The following RSPO2 variants were observed in gnomAD, a reference collection of about 807,000 sequenced individuals.
RSPO2 encodes R-spondin 2.
A neutral mutation model predicts 30.9 loss-of-function variants in RSPO2; 14 were observed. That is an observed-to-expected ratio of 0.45 (90% CI 0.30 to 0.71). The LOEUF is 0.71. RSPO2 is among the 30% of genes least tolerant of loss of function. The pLI is 0.08. For missense variants in RSPO2, 264 were observed against 301.9 expected, an observed-to-expected ratio of 0.87 and a Z score of 0.93; for synonymous variants, 107 against 96.4, an observed-to-expected ratio of 1.11 and a Z score of -0.64.
chr8:108,049,113 G>T lies in RSPO2; in HGVS notation c.94+33432C>A, dbSNP rs561690897. On this transcript the variant is annotated intron_variant, in intron 2 of 5. Coordinates refer to ENST00000276659, the MANE Select transcript of RSPO2 (RefSeq NM_178565.5). ...AGGCCTGTCGGAGGGTGGGGAACTG[G>T]GGGACGGATAGCATTAGGAGAAATA... Among the ~76,000 whole-genome samples the T allele has an allele frequency of 4.6e-5, 7 of 152,032 alleles. 1 individual carries two copies. The East Asian group carries it at 7.8e-4, about 17-fold the overall frequency.
chr8:108,051,864 G>T (rs956836874), intron 2 of RSPO2, among the ~76,000 whole-genome samples: 1 of 152,156 alleles, frequency 6.6e-6, no homozygotes, highest in Non-Finnish European at 1.5e-5. Context: ...CACAACCAGG[G>T]TTAAGTAAAT....
chr8:108,032,863 T>A (rs186370038), intron 2 of RSPO2, among the ~76,000 whole-genome samples: 297 of 151,716 alleles, frequency 2.0e-3, no homozygotes, highest in African/African-American at 6.9e-3. Context: ...ATCGAGACCA[T>A]CCTGGCTAAC....
At chr8:107,945,468 T>C (rs1245778861) in intron 5 of RSPO2, among the ~76,000 whole-genome samples, 1 of 151,974 alleles carries the variant, frequency 6.6e-6, no homozygotes, top group Non-Finnish European at 1.5e-5. Context: ...CAGGATGGTC[T>C]AGATCTCCTG....
chr8:107,966,729 A>T (rs113966391), intron 3 of RSPO2, among the ~76,000 whole-genome samples: 16 of 152,352 alleles, frequency 1.1e-4, no homozygotes, highest in African/African-American at 3.1e-4. Context: ...AGATGACAAG[A>T]ATCATCTCTT....
At chr8:108,010,062 A>T (rs1057245625) in intron 2 of RSPO2, among the ~76,000 whole-genome samples, 18 of 97,872 alleles carry the variant, frequency 1.8e-4, no homozygotes, top group African/African-American at 4.4e-4. Context: ...AAATAAAAAT[A>T]AAAAAAAAAA....
chr8:108,013,041 G>T (rs1434375841), intron 2 of RSPO2, among the ~76,000 whole-genome samples: 2 of 152,100 alleles, frequency 1.3e-5, no homozygotes, highest in African/African-American at 4.8e-5. Flanking sequence ...GCTGTTCTTT[G>T]ATGTCAACCC....
At chr8:108,014,475 A>C (rs1332219313) in intron 2 of RSPO2, among the ~76,000 whole-genome samples, 1 of 152,226 alleles carries the variant, frequency 6.6e-6, no homozygotes, top group Admixed American at 6.5e-5. Context: ...CTGGATAAAG[A>C]AAATGTGGCA....
chr8:107,950,195 T>C (rs1280942323), intron 5 of RSPO2, among the ~76,000 whole-genome samples: 4 of 152,234 alleles, frequency 2.6e-5, no homozygotes. Flanking sequence ...TATATGTGCA[T>C]GTGTGTACAT....
chr8:107,936,828 T>C (rs1812736858), intron 5 of RSPO2, among the ~76,000 whole-genome samples: 1 of 152,170 alleles, frequency 6.6e-6, no homozygotes, highest in African/African-American at 2.4e-5. Context: ...TGTCAACTCA[T>C]GTTCTTTGTC....
chr8:107,960,104 G>A (rs1813575379), intron 4 of RSPO2, among the ~76,000 whole-genome samples: 1 of 152,032 alleles, frequency 6.6e-6, no homozygotes. Context: ...CCAACTCTCA[G>A]AAGATATAAA....
intron 5 of RSPO2, among the ~76,000 whole-genome samples, chr8:107,935,132 G>A (rs1013628618): frequency 1.3e-5 from 2 of 152,114 alleles, no homozygotes; most frequent in African/African-American, 4.8e-5. Flanking sequence ...TTACAAAAGT[G>A]AATAGGAGAA....
At chr8:107,998,413 T>G (rs1410147145) in intron 2 of RSPO2, among the ~76,000 whole-genome samples, 1 of 152,194 alleles carries the variant, frequency 6.6e-6, no homozygotes, top group Non-Finnish European at 1.5e-5. Flanking sequence ...TGAATTAATG[T>G]GCCACACAAG....
At chr8:107,983,065 T>C (rs555590107) in intron 3 of RSPO2, 77 of 1,260,376 alleles carry the variant, frequency 6.1e-5, no homozygotes, top group Non-Finnish European at 7.9e-5. Flanking sequence ...CCCCTCCATG[T>C]TCCCTGGCAC....
chr8:108,001,281 G>T (rs1172857812), intron 2 of RSPO2, among the ~76,000 whole-genome samples: 1 of 152,136 alleles, frequency 6.6e-6, no homozygotes, highest in Non-Finnish European at 1.5e-5. Flanking sequence ...CAAGAAAAAA[G>T]TAGTTATCTA....
chr8:108,075,100 C>G (rs1270794624), intron 2 of RSPO2, among the ~76,000 whole-genome samples: 1 of 151,992 alleles, frequency 6.6e-6, no homozygotes, highest in Non-Finnish European at 1.5e-5. Flanking sequence ...TTTATTTTAT[C>G]CTAAATTATT....
chr8:107,954,066 G>A (rs1390108438), intron 5 of RSPO2, among the ~76,000 whole-genome samples: 1 of 152,146 alleles, frequency 6.6e-6, no homozygotes, highest in Non-Finnish European at 1.5e-5. Flanking sequence ...ACATAGCAGT[G>A]CTCAACAAGT....
chr8:108,007,408 A>C (rs1470552376), intron 2 of RSPO2, among the ~76,000 whole-genome samples: 1 of 152,192 alleles, frequency 6.6e-6, no homozygotes, highest in Non-Finnish European at 1.5e-5. Flanking sequence ...ATTATGTATT[A>C]ATCACAAATG....
intron 2 of RSPO2, among the ~76,000 whole-genome samples, chr8:108,006,863 C>T (rs1563560690): frequency 6.6e-6 from 1 of 152,154 alleles, no homozygotes; most frequent in African/African-American, 2.4e-5. Flanking sequence ...TATATACACA[C>T]AGATCTAAAG....
intron 2 of RSPO2, among the ~76,000 whole-genome samples, chr8:108,066,267 G>A (rs1812664798): frequency 6.6e-6 from 1 of 152,114 alleles, no homozygotes; most frequent in Non-Finnish European, 1.5e-5. Context: ...AGTGTTTAAA[G>A]TAGCAGAAAG....
Sources: allele counts gnomAD v4.1 joint callset (sites outside exome capture counted in the v4.1 genomes callset), GRCh38; gene constraint gnomAD v4.1.1; transcripts MANE v1.5; gene names NCBI Gene and HGNC (gene_info 2026-07-23, HGNC 2026-07-21).